The following GLG1 variants were observed in gnomAD, a reference collection of about 807,000 sequenced individuals.
GLG1 encodes the protein golgi glycoprotein 1, also known as Golgi apparatus protein 1.
Under a neutral mutation model 160.5 loss-of-function variants are expected in GLG1, and 38 were observed. The ratio of observed to expected loss-of-function variants is 0.24; its 90% confidence interval spans 0.18 to 0.31. The LOEUF is 0.31. Among genes scored for constraint, GLG1 ranks in the 10% least tolerant of loss-of-function variants. GLG1 has a pLI of 1.00. For missense variants in GLG1, 1,373 were observed against 1,505.2 expected (o/e 0.91, Z 1.45); for synonymous variants, 644 against 543.4 (o/e 1.19, Z -2.57).
chr16:74,474,404 C>CAA, intron 13 of GLG1, 142 bp downstream of exon 13: 1 of 636,872 alleles, frequency 1.6e-6, no homozygotes, highest in Non-Finnish European at 2.8e-6. Context: ...CTTTATAAAG[C>CAA]AAACATGGAA....
At chr16:74,461,168 C>CTT (rs760396989) in intron 22 of GLG1, among the ~76,000 whole-genome samples, 5 of 141,556 alleles carry the variant, frequency 3.5e-5, no homozygotes, top group Non-Finnish European at 3.1e-5. Context: ...TATAGAATTA[C>CTT]TTTTTTTTTT....
intron 1 of GLG1, among the ~76,000 whole-genome samples, chr16:74,585,671 G>C (rs1028572608): frequency 7.2e-6 from 1 of 139,752 alleles, no homozygotes; most frequent in Non-Finnish European, 1.5e-5. Flanking sequence ...TCACGCTACT[G>C]TACTCCAGCC....
intron 17 of GLG1, 187 bp from the exon 18 acceptor site, chr16:74,468,035 C>A (rs985950289): frequency 7.5e-6 from 4 of 530,160 alleles, no homozygotes; most frequent in Non-Finnish European, 1.3e-5. Context: ...TGGCCTTGGA[C>A]CTTCTTTGCA....
intron 4 of GLG1, among the ~76,000 whole-genome samples, chr16:74,497,662 C>A (rs1173096094): frequency 6.6e-6 from 1 of 152,104 alleles, no homozygotes; most frequent in African/African-American, 2.4e-5. Context: ...TGGTCTCGAT[C>A]TCCTGACCTC....
At chr16:74,531,558 C>G (rs1295491842) in intron 2 of GLG1, among the ~76,000 whole-genome samples, 1 of 152,102 alleles carries the variant, frequency 6.6e-6, no homozygotes, top group Non-Finnish European at 1.5e-5. Flanking sequence ...AACTCCTGGT[C>G]TCAAGTGATC....
At chr16:74,483,895 G>A (rs1472737059) in intron 9 of GLG1, among the ~76,000 whole-genome samples, 3 of 152,128 alleles carry the variant, frequency 2.0e-5, no homozygotes, top group South Asian at 2.1e-4. Flanking sequence ...TCCTGACCTC[G>A]TGATCTGCCC....
intron 1 of GLG1, among the ~76,000 whole-genome samples, chr16:74,553,770 G>A (rs2018277032): frequency 6.6e-6 from 1 of 152,156 alleles, no homozygotes; most frequent in African/African-American, 2.4e-5. Flanking sequence ...ACCGTGCCAG[G>A]CCATGGAACA....
In GLG1 at chr16:74,480,251, T is replaced by A; in HGVS notation, c.1817A>T (p.Gln606Leu). ...ATATTCACTGCATACCCTCCTTCCC[T>A]GTTCCTCAGTGCGGTAGGCGTGTCT... ...LYRHAYRTEEQGRRLSRECRA... is the reference protein window; with the variant it reads ...LYRHAYRTEELGRRLSRECRA... The change falls in exon 11 of 26, where the codon CAG (glutamine) becomes CTG (leucine). Residue 606 changes from glutamine to leucine, a missense_variant. Transcript: ENST00000422840. The A allele has an allele frequency of 6.2e-7, 1 of 1,610,162 alleles. No homozygotes were observed. Among genetic ancestry groups the A allele is most frequent in the Non-Finnish European group, 8.5e-7 (1 of 1,176,594 alleles).
At position 74,542,733 on chromosome 16, in the gene GLG1, G is replaced by GGAA. The variant is rs1567513909; in HGVS notation, c.439-10581_439-10580insTTC. Reference sequence around the variant, plus strand: ...GGGAAGAAGGGAAGGAAGGAAGGAAGGGAGGAAGGAAGGAAGGAAGGAAGG... The same window carrying GGAA: ...GGGAAGAAGGGAAGGAAGGAAGGAAGGAAGGAGGAAGGAAGGAAGGAAGGAAGG... On this transcript the variant is annotated intron_variant, in intron 1 of 25. Transcript: ENST00000422840. 1.7e-3 allele frequency among the ~76,000 whole-genome samples: 180 copies of GGAA among 106,950 alleles called. 17 individuals are homozygous for GGAA. The highest frequency in any genetic ancestry group is 3.4e-3 in the Admixed American group (30 of 8,872). The allele number at this position is 106,950 out of a possible 152,430, so 70.2% of individuals were successfully genotyped here. A position where few individuals can be genotyped will look rare whatever the true frequency, so the allele number is the denominator to read the frequency against.
In GLG1 at chr16:74,451,752, C is replaced by T. The variant is rs951418207; in HGVS notation, c.*1415G>A. On this transcript the variant is annotated 3_prime_UTR_variant, in exon 26 of 26. Transcript: ENST00000422840. ...CCCAAACTCAACCAAAGGAGTGCCA[C>T]GCTGAACCATGATGCCCGGACCCCT... 3.3e-5 allele frequency: 12 copies of T among 362,838 alleles called. No individual in the cohort carries two copies. The highest frequency in any genetic ancestry group is 1.2e-4 in the African/African-American group (6 of 48,654). 22.5% of individuals were successfully genotyped at this position (362,838 alleles called of 1,614,324 possible). A position where few individuals can be genotyped will look rare whatever the true frequency, so the allele number is the denominator to read the frequency against.
intron 1 of GLG1, among the ~76,000 whole-genome samples, chr16:74,585,658 A>C (rs1015391749): frequency 1.3e-5 from 2 of 151,096 alleles, no homozygotes; most frequent in African/African-American, 4.9e-5. Context: ...CAGTGAGCCA[A>C]GATCACGCTA....
chr16:74,564,018 G>T (rs563061628), intron 1 of GLG1, among the ~76,000 whole-genome samples: 1 of 152,224 alleles, frequency 6.6e-6, no homozygotes, highest in Admixed American at 6.5e-5. Flanking sequence ...AACCTTCTGG[G>T]CTCAAGTGAT....
chr16:74,522,644 T>G (rs1387763507), intron 2 of GLG1, among the ~76,000 whole-genome samples: 1 of 152,190 alleles, frequency 6.6e-6, no homozygotes, highest in Non-Finnish European at 1.5e-5. Context: ...TTTTTTTACT[T>G]TTCCATGGTT....
Position 74,452,634 on chromosome 16 carries a change from C to T in GLG1, c.*533G>A, listed in dbSNP as rs1161868546. ...GTGAAGACCACGGCCCTGGCGAGGC[C>T]CCAAGGTGCTTCTGAGAGATGAACG... On this transcript the variant is annotated 3_prime_UTR_variant, in exon 26 of 26. Transcript: ENST00000422840. 8 of 998,036 alleles carry T rather than the reference C, an allele frequency of 8.0e-6. No individual in the cohort carries two copies. Among genetic ancestry groups the T allele is most frequent in the Non-Finnish European group, 9.6e-6 (8 of 836,904 alleles). The allele number at this position is 998,036 out of a possible 1,614,324, so 61.8% of individuals were successfully genotyped here. A position where few individuals can be genotyped will look rare whatever the true frequency, so the allele number is the denominator to read the frequency against.
chr16:74,525,017 G>A (rs940157882), intron 2 of GLG1, among the ~76,000 whole-genome samples: 5 of 152,058 alleles, frequency 3.3e-5, no homozygotes, highest in African/African-American at 4.8e-5. Flanking sequence ...TTCACTGTAT[G>A]GCCACATCAT....
rs2014323340 is a variant in GLG1, at chr16:74,451,934, G to T, written c.*1233C>A. ...ACTAGAGTGGGTACACGCAGCAAAT[G>T]GACAGAAAGAAAAAAAACAGAGCAA... is the stretch of plus-strand genomic sequence containing the variant. On this transcript the variant is annotated 3_prime_UTR_variant, in exon 26 of 26. Transcript: ENST00000422840. The T allele has an allele frequency of 3.9e-6, 3 of 762,384 alleles. No individual in the cohort carries two copies. Among genetic ancestry groups the T allele is most frequent in the East Asian group, 2.5e-5 (1 of 39,368 alleles). The allele number at this position is 762,384 out of a possible 1,614,324, so 47.2% of individuals were successfully genotyped here.
intron 7 of GLG1, among the ~76,000 whole-genome samples, chr16:74,491,986 AGAC>A (rs1181535559): frequency 2.0e-5 from 3 of 152,072 alleles, no homozygotes; most frequent in Non-Finnish European, 4.4e-5. Flanking sequence ...CAGGTCACCC[AGAC>A]GGTTTGTTTA....
At chr16:74,583,689 A>C (rs1455578670) in intron 1 of GLG1, among the ~76,000 whole-genome samples, 2 of 152,066 alleles carry the variant, frequency 1.3e-5, no homozygotes, top group Admixed American at 6.6e-5. Context: ...CTAAACTTTG[A>C]CTTCTCTTCA....
intron 1 of GLG1, among the ~76,000 whole-genome samples, chr16:74,582,174 T>A (rs1283573924): frequency 2.6e-5 from 4 of 152,134 alleles, no homozygotes; most frequent in Non-Finnish European, 5.9e-5. Flanking sequence ...TGTTTTTTTG[T>A]TTGTTTTTTG....
Sources: allele counts gnomAD v4.1 joint callset (sites outside exome capture counted in the v4.1 genomes callset), GRCh38; gene constraint gnomAD v4.1.1; transcripts MANE v1.5; gene names NCBI Gene and HGNC (gene_info 2026-07-23, HGNC 2026-07-21).